PRKN: variants seen among roughly 807,000 people sequenced by gnomAD.
PRKN encodes E3 ubiquitin-protein ligase parkin.
In PRKN, 56 loss-of-function variants were observed where a neutral mutation model predicts 59.5. That is an observed-to-expected ratio of 0.94 (90% CI 0.76 to 1.18). PRKN has a LOEUF of 1.18. PRKN is among the 50% of genes most tolerant of loss of function. PRKN has a pLI of 0.00. For synonymous variants in PRKN, 250 were observed against 222.1 expected, an observed-to-expected ratio of 1.13 and a Z score of -1.12; for missense variants, 657 against 596.4, an observed-to-expected ratio of 1.10 and a Z score of -1.06.
intron 2 of PRKN, among the ~76,000 whole-genome samples, chr6:162,405,973 C>G (rs992186837): frequency 2.0e-5 from 3 of 152,100 alleles, no homozygotes; most frequent in Non-Finnish European, 2.9e-5. Context: ...ATGGCAACAA[C>G]AAGCAAGCAA....
intron 7 of PRKN, among the ~76,000 whole-genome samples, chr6:161,652,078 C>T (rs377047848): frequency 2.1e-4 from 32 of 152,330 alleles, no homozygotes; most frequent in East Asian, 9.6e-4. Flanking sequence ...CTTGTTCTTT[C>T]GGCATAATCA....
At chr6:162,157,625 T>C (rs534203824) in intron 4 of PRKN, among the ~76,000 whole-genome samples, 1 of 151,202 alleles carries the variant, frequency 6.6e-6, no homozygotes, top group Non-Finnish European at 1.5e-5. Flanking sequence ...ACATCTTAAA[T>C]GGCCTCAATT....
At chr6:161,745,292 C>T (rs1042863768) in intron 7 of PRKN, among the ~76,000 whole-genome samples, 1 of 152,118 alleles carries the variant, frequency 6.6e-6, no homozygotes, top group African/African-American at 2.4e-5. Flanking sequence ...GAAGTCAGGG[C>T]AGGCTTCCTG....
At chr6:162,246,122 TTGTTGCAGGCTGA>T (rs200376673) in intron 3 of PRKN, among the ~76,000 whole-genome samples, 3,033 of 152,274 alleles carry the variant, frequency 0.02, 58 homozygotes, top group Middle Eastern at 0.048. Context: ...GTTTCCCTGC[TTGTTGCAGGCTGA>T]ATTACGTCAA....
intron 4 of PRKN, among the ~76,000 whole-genome samples, chr6:162,125,222 C>G (rs1781077207): frequency 6.6e-6 from 1 of 152,142 alleles, no homozygotes; most frequent in Non-Finnish European, 1.5e-5. Context: ...CCCATAGGGA[C>G]TGTCTCCACA....
intron 2 of PRKN, among the ~76,000 whole-genome samples, chr6:162,416,098 T>C (rs1482349766): frequency 1.3e-5 from 2 of 152,294 alleles, no homozygotes; most frequent in Admixed American, 1.3e-4. Context: ...TGCTTTAAAA[T>C]ACCGGCCTGG....
chr6:161,416,448 A>G (rs1035840393), intron 9 of PRKN, among the ~76,000 whole-genome samples: 4 of 152,112 alleles, frequency 2.6e-5, no homozygotes, highest in African/African-American at 9.7e-5. Flanking sequence ...ATGCCAGTTC[A>G]TATTTGTTGA....
At chr6:161,974,817 T>G (rs1438938857) in intron 5 of PRKN, among the ~76,000 whole-genome samples, 1 of 152,240 alleles carries the variant, frequency 6.6e-6, no homozygotes, top group Non-Finnish European at 1.5e-5. Context: ...AACTTTGATG[T>G]AAAGTGCCAG....
chr6:162,478,611 C>T (rs1167082893), intron 1 of PRKN, among the ~76,000 whole-genome samples: 1 of 152,146 alleles, frequency 6.6e-6, no homozygotes, highest in Non-Finnish European at 1.5e-5. Flanking sequence ...TCATGGGTCA[C>T]TGAACAACGA....
At chr6:162,274,172 A>T (rs1162245108) in intron 2 of PRKN, among the ~76,000 whole-genome samples, 27 of 151,494 alleles carry the variant, frequency 1.8e-4, no homozygotes, top group South Asian at 1.5e-3. Flanking sequence ...TTAATTTATT[A>T]ATTTATTAAT....
chr6:161,864,019 G>A (rs1167602400), intron 6 of PRKN, among the ~76,000 whole-genome samples: 1 of 152,146 alleles, frequency 6.6e-6, no homozygotes, highest in Non-Finnish European at 1.5e-5. Flanking sequence ...AGAGGGTCTT[G>A]CCTCAACGCT....
intron 4 of PRKN, among the ~76,000 whole-genome samples, chr6:162,186,030 T>C (rs1484669193): frequency 6.6e-6 from 1 of 152,144 alleles, no homozygotes; most frequent in Non-Finnish European, 1.5e-5. Context: ...TTGGTAATTC[T>C]CTTATTCTCT....
intron 1 of PRKN, among the ~76,000 whole-genome samples, chr6:162,464,893 GC>G (rs35031433): frequency 0.22 from 32,656 of 151,462 alleles, 4,160 homozygotes; most frequent in Non-Finnish European, 0.27. Context: ...AGTTTTAAGA[GC>G]CCCCCCTCCT....
intron 6 of PRKN, among the ~76,000 whole-genome samples, chr6:161,899,849 C>T (rs978380301): frequency 6.6e-6 from 1 of 152,172 alleles, no homozygotes; most frequent in South Asian, 2.1e-4. Flanking sequence ...CGGGCCGGGC[C>T]AGGCGGCTCT....
At chr6:162,564,947 A>G (rs535846518) in intron 1 of PRKN, among the ~76,000 whole-genome samples, 2 of 152,274 alleles carry the variant, frequency 1.3e-5, no homozygotes, top group East Asian at 1.9e-4. Flanking sequence ...GTAAGTACAC[A>G]GGAAAACCTA....
At chr6:161,465,987 A>C (rs973154656) in intron 9 of PRKN, among the ~76,000 whole-genome samples, 1 of 152,216 alleles carries the variant, frequency 6.6e-6, no homozygotes, top group Non-Finnish European at 1.5e-5. Flanking sequence ...CAAAATAATG[A>C]CTTGATATCT....
chr6:162,007,643 T>A (rs1020354581), intron 5 of PRKN, among the ~76,000 whole-genome samples: 3 of 151,996 alleles, frequency 2.0e-5, no homozygotes, highest in Non-Finnish European at 4.4e-5. Context: ...ATATTAGTAA[T>A]CCATCTGCTC....
rs1325494437 is a variant in PRKN at position 161,445,566 on chromosome 6, C to A, written c.1084-58689G>T. Among the ~76,000 whole-genome samples, 1 of 152,238 alleles carries A rather than the reference C, an allele frequency of 6.6e-6. No individual in the cohort carries two copies. The highest frequency in any genetic ancestry group is 2.4e-5 in the African/African-American group (1 of 41,462). ...CATCGAAGTGTCAGCTGGCTGCCAT[C>A]CCAGCGTCTGACAGGGCAGCAGGAG... On this transcript the variant is annotated intron_variant, in intron 9 of 11. Coordinates refer to ENST00000366898, the MANE Select transcript of PRKN (RefSeq NM_004562.3). This position sits in a 1 kb window ranked among gnomAD's most constrained non-coding sequence, Gnocchi z 7.7.
intron 7 of PRKN, among the ~76,000 whole-genome samples, chr6:161,668,382 A>G (rs1229659926): frequency 2.0e-5 from 3 of 152,212 alleles, no homozygotes; most frequent in African/African-American, 7.2e-5. Flanking sequence ...ACACGCTCTT[A>G]AATACAATGC....
Sources: gnomAD v4.1 joint callset for allele counts (sites outside exome capture counted in the v4.1 genomes callset) on GRCh38, gnomAD v4.1.1 for gene constraint, Gnocchi (gnomAD v3.1) non-coding constraint, MANE v1.5 for transcripts, NCBI Gene and HGNC (gene_info 2026-07-23, HGNC 2026-07-21) for gene names.